Variants in PBX3 observed in about 807,000 individuals in gnomAD.
PBX3 encodes the protein PBX homeobox 3, also known as pre-B-cell leukemia transcription factor 3.
A neutral mutation model predicts 48.5 loss-of-function variants in PBX3; 14 were observed. The ratio of observed to expected loss-of-function variants is 0.29; its 90% CI spans 0.19 to 0.45. The LOEUF is 0.45. Ranked by LOEUF, PBX3 falls within the 20% of genes least tolerant of loss-of-function variation. The probability of loss-of-function intolerance (pLI) is 1.00; values close to 1 mark genes in which losing one functional copy is unlikely to be tolerated. For synonymous variants in PBX3, 210 were observed against 200.3 expected (o/e 1.05, Z -0.41); for missense variants, 386 against 546.7 (o/e 0.71, Z 2.93).
chr9:125,867,865 GT>G (rs1840028344), intron 2 of PBX3, among the ~76,000 whole-genome samples: 1 of 149,392 alleles, frequency 6.7e-6, no homozygotes, highest in Non-Finnish European at 1.5e-5. Flanking sequence ...TATTTGTTTT[GT>G]TTTGCTTTTG....
intron 2 of PBX3, among the ~76,000 whole-genome samples, chr9:125,803,001 T>C (rs1232640883): frequency 6.6e-6 from 1 of 150,402 alleles, no homozygotes; most frequent in Non-Finnish European, 1.5e-5. Context: ...GAAGATACAA[T>C]GATACTCTGT....
rs542467039 is a variant in PBX3 at position 125,818,353 on chromosome 9, C to T, written c.274+69730C>T. Among the ~76,000 whole-genome samples, 89 of 149,000 alleles carry T rather than the reference C, an allele frequency of 6.0e-4. 2 individuals carry two copies. The South Asian group carries it at 0.017, about 29-fold the overall frequency. On this transcript the variant is annotated intron_variant, in intron 2 of 8. Coordinates refer to ENST00000373489, the MANE Select transcript of PBX3 (RefSeq NM_006195.6). ...TACTTTTTTTTTTTTTAATTTGAGACGGAGTCTCACTCACTCTGTCACCCA... is the reference window on the plus strand; with the variant it reads ...TACTTTTTTTTTTTTTAATTTGAGATGGAGTCTCACTCACTCTGTCACCCA...
intron 2 of PBX3, among the ~76,000 whole-genome samples, chr9:125,763,192 A>C (rs767808319): frequency 6.6e-6 from 1 of 152,214 alleles, no homozygotes; most frequent in African/African-American, 2.4e-5. Flanking sequence ...TTTTTCTTTG[A>C]AATGCCCTTT....
rs138833155 is a variant in PBX3, at chr9:125,821,647, C to T, written c.274+73024C>T. Among the ~76,000 whole-genome samples the T allele has an allele frequency of 1.1e-3, 165 of 152,208 alleles. 1 individual carries two copies. The highest frequency in any genetic ancestry group is 2.2e-3 in the Non-Finnish European group (148 of 67,942). ...TTCTTACCGAATTTATTGCTTAACT[C>T]ATTTGAAGATTAGTTTCATTTTATC... On this transcript the variant is annotated intron_variant, in intron 2 of 8. Transcript: ENST00000373489.
At chr9:125,851,472 A>G (rs112912896) in intron 2 of PBX3, among the ~76,000 whole-genome samples, 3,892 of 152,168 alleles carry the variant, frequency 0.026, 65 homozygotes, top group Middle Eastern at 0.051. Flanking sequence ...ATTCATTAGT[A>G]CACCCCACAG....
At chr9:125,955,960 TA>T (rs892768419) in intron 5 of PBX3, among the ~76,000 whole-genome samples, 1 of 152,206 alleles carries the variant, frequency 6.6e-6, no homozygotes, top group Admixed American at 6.5e-5. Context: ...GTTGGTTATT[TA>T]AAAAAGAAAA....
At chr9:125,833,997 A>G (rs566810786) in intron 2 of PBX3, among the ~76,000 whole-genome samples, 6 of 152,304 alleles carry the variant, frequency 3.9e-5, no homozygotes, top group African/African-American at 7.2e-5. Flanking sequence ...TTAACTTTAA[A>G]CAGTATCATT....
intron 2 of PBX3, among the ~76,000 whole-genome samples, chr9:125,834,268 CAG>C (rs569292749): frequency 2.7e-3 from 407 of 152,156 alleles, no homozygotes; most frequent in African/African-American, 9.1e-3. Flanking sequence ...TGAGCTGAGA[CAG>C]AGAAGTATAG....
intron 2 of PBX3, among the ~76,000 whole-genome samples, chr9:125,783,510 A>T (rs1355092980): frequency 6.6e-6 from 1 of 151,268 alleles, no homozygotes; most frequent in Non-Finnish European, 1.5e-5. Flanking sequence ...CTGGTTTCGA[A>T]CTCCTGACCT....
At chr9:125,853,474 A>G (rs1397327649) in intron 2 of PBX3, among the ~76,000 whole-genome samples, 1 of 152,234 alleles carries the variant, frequency 6.6e-6, no homozygotes. Flanking sequence ...GATCATTTTT[A>G]CAAAAAGAAG....
intron 2 of PBX3, among the ~76,000 whole-genome samples, chr9:125,833,098 GC>G (rs1839012966): frequency 6.6e-6 from 1 of 152,172 alleles, no homozygotes; most frequent in Non-Finnish European, 1.5e-5. Flanking sequence ...ATTCTTGGGT[GC>G]TAATTATTGA....
intron 2 of PBX3, among the ~76,000 whole-genome samples, chr9:125,875,422 CTT>C (rs1840225943): frequency 6.6e-6 from 1 of 152,076 alleles, no homozygotes; most frequent in Admixed American, 6.5e-5. Flanking sequence ...TTTCAGTTGT[CTT>C]TTGGTTTTCA....
chr9:125,794,324 G>T (rs1837714160), intron 2 of PBX3, among the ~76,000 whole-genome samples: 1 of 152,184 alleles, frequency 6.6e-6, no homozygotes, highest in South Asian at 2.1e-4. Flanking sequence ...ATCAGAAATT[G>T]TATTTTAACA....
chr9:125,807,745 TA>T (rs1282705677), intron 2 of PBX3, among the ~76,000 whole-genome samples: 1 of 152,202 alleles, frequency 6.6e-6, no homozygotes, highest in Non-Finnish European at 1.5e-5. Context: ...CTTCTCTTAT[TA>T]AATATCCTTC....
At chr9:125,848,196 A>G (rs1839478737) in intron 2 of PBX3, among the ~76,000 whole-genome samples, 1 of 152,092 alleles carries the variant, frequency 6.6e-6, no homozygotes. Context: ...AGAACATTTC[A>G]AATATCCACA....
At chr9:125,766,873 T>A (rs1005027654) in intron 2 of PBX3, among the ~76,000 whole-genome samples, 2 of 152,142 alleles carry the variant, frequency 1.3e-5, no homozygotes, top group Admixed American at 6.5e-5. Flanking sequence ...AAAAATACTA[T>A]GATTATGAGT....
intron 2 of PBX3, among the ~76,000 whole-genome samples, chr9:125,870,580 TCCCA>T (rs1588241891): frequency 6.6e-6 from 1 of 152,144 alleles, no homozygotes; most frequent in East Asian, 1.9e-4. Flanking sequence ...TTCAGTTACA[TCCCA>T]CTGGGTCTGT....
chr9:125,753,152 A>G (rs553012093), intron 2 of PBX3, among the ~76,000 whole-genome samples: 1 of 152,248 alleles, frequency 6.6e-6, no homozygotes, highest in East Asian at 1.9e-4. Context: ...TTTCATATCA[A>G]TTTTAAGCAT....
chr9:125,913,286 A>G (rs942416044), intron 2 of PBX3, among the ~76,000 whole-genome samples: 5 of 152,110 alleles, frequency 3.3e-5, no homozygotes, highest in Non-Finnish European at 7.4e-5. Flanking sequence ...ATTAAAACAT[A>G]TTTTCCTGTT....
Sources: allele counts gnomAD v4.1 joint callset (sites outside exome capture counted in the v4.1 genomes callset), GRCh38; gene constraint gnomAD v4.1.1; transcripts MANE v1.5; gene names NCBI Gene and HGNC (gene_info 2026-07-23, HGNC 2026-07-21).